The following FAT2 variants were observed in gnomAD, a reference collection of about 807,000 sequenced individuals.
FAT2 encodes the protein FAT atypical cadherin 2, also known as protocadherin Fat 2.
FAT2 carries 150 observed loss-of-function variants against 295.3 expected under a neutral mutation model. The observed-to-expected ratio is 0.51, with a 90% confidence interval of 0.44 to 0.58. FAT2 has a LOEUF of 0.58. Among genes scored for constraint, FAT2 ranks in the 20% least tolerant of loss-of-function variants. FAT2 has a pLI of 0.00. For synonymous variants in FAT2, 2,026 were observed against 2,150.3 expected, an observed-to-expected ratio of 0.94 and a Z score of 1.60; for missense variants, 4,868 against 5,442.7, an observed-to-expected ratio of 0.89 and a Z score of 3.32.
chr5:151,537,274 TGGTGGAGGA>T (rs1755455685), intron 12 of FAT2, among the ~76,000 whole-genome samples: 1 of 134,334 alleles, frequency 7.4e-6, no homozygotes, highest in African/African-American at 2.9e-5. Flanking sequence ...ACGATGGTGG[TGGTGGAGGA>T]GGAGGAGGAG....
chr5:151,535,165 G>A (rs554658625), intron 12 of FAT2, among the ~76,000 whole-genome samples: 1 of 151,884 alleles, frequency 6.6e-6, no homozygotes, highest in South Asian at 2.1e-4. Flanking sequence ...ACCATGTGTG[G>A]TGTTATAAGT....
intron 1 of FAT2, among the ~76,000 whole-genome samples, chr5:151,587,572 T>C (rs1431407935): frequency 2.0e-5 from 3 of 152,212 alleles, no homozygotes; most frequent in Non-Finnish European, 4.4e-5. Flanking sequence ...AAGAGCTTCA[T>C]TGAATCTATA....
At chr5:151,538,426 A>G (rs1341426053) in intron 11 of FAT2, among the ~76,000 whole-genome samples, 1 of 152,180 alleles carries the variant, frequency 6.6e-6, no homozygotes, top group South Asian at 2.1e-4. Context: ...CCGTATCCCC[A>G]GGACAGACCC....
At chr5:151,549,234 G>C (rs2127618548) in intron 9 of FAT2, 61 bp downstream of exon 9, 4 of 1,516,586 alleles carry the variant, frequency 2.6e-6, no homozygotes, top group Non-Finnish European at 2.7e-6. Context: ...TGCCTCTAGT[G>C]CTTTCCTTTA....
At chr5:151,550,225 G>A (rs1218890688) in intron 8 of FAT2, among the ~76,000 whole-genome samples, 1 of 152,198 alleles carries the variant, frequency 6.6e-6, no homozygotes, top group Non-Finnish European at 1.5e-5. Context: ...TGCATGCCTT[G>A]CTGGCCTGAC....
At position 151,512,806 on chromosome 5, in the gene FAT2, C is replaced by G. The variant is rs1415257491; in HGVS notation, c.11464-200G>C. The G allele has an allele frequency of 1.7e-6, 1 of 594,454 alleles. No homozygotes were observed. Among genetic ancestry groups the G allele is most frequent in the Non-Finnish European group, 3.0e-6 (1 of 335,676 alleles). 36.8% of individuals were successfully genotyped at this position (594,454 alleles called of 1,614,324 possible). A position where few individuals can be genotyped will look rare whatever the true frequency, so the allele number is the denominator to read the frequency against. On this transcript the variant is annotated intron_variant, in intron 20 of 23. Coordinates refer to ENST00000261800, the MANE Select transcript of FAT2 (RefSeq NM_001447.3). The surrounding 1 kb of genome is among the most constrained non-coding windows in gnomAD (Gnocchi z 4.1). ...ATGGTCTCCTTTGTTCTCACCACAC[C>G]CCATGGGATGGTCTGGGTAGGGGGT...
At chr5:151,582,501 G>C (rs184686639) in intron 1 of FAT2, among the ~76,000 whole-genome samples, 119 of 152,282 alleles carry the variant, frequency 7.8e-4, no homozygotes, top group South Asian at 2.9e-3. Context: ...AAATCCTTAG[G>C]GGTGGGGCTC....
upstream of FAT2, among the ~76,000 whole-genome samples, chr5:151,591,460 G>T (rs936177169): frequency 1.3e-5 from 2 of 152,190 alleles, no homozygotes; most frequent in African/African-American, 4.8e-5. Context: ...CAGAACTCAC[G>T]GTGGGGAATC....
chr5:151,552,906 T>C (rs1757347177), intron 6 of FAT2, among the ~76,000 whole-genome samples: 1 of 152,224 alleles, frequency 6.6e-6, no homozygotes, highest in South Asian at 2.1e-4. Context: ...ATTTTAGGTC[T>C]CCTAGGCCCT....
chr5:151,521,714 G>T lies in FAT2; in HGVS notation c.10879C>A (p.Leu3627Met). ...VYVWHVGQEA[L>M]QQAMWMGFYQ... ...AAGCCCATCCACATGGCCTGCTGCAGAGCCTCCTGCCCCACATGCCACACG... is the reference window on the plus strand; with the variant it reads ...AAGCCCATCCACATGGCCTGCTGCATAGCCTCCTGCCCCACATGCCACACG... Residue 3627 changes from leucine (L) to methionine (M), a missense_variant, in exon 19 of 24, where the codon CTG becomes ATG. Around this residue, in one of 5 missense-constraint regions of FAT2, gnomAD observed 1,046 missense variants for 1,210.1 expected, o/e 0.86. Transcript: ENST00000261800. The T allele has an allele frequency of 6.2e-7, 1 of 1,613,954 alleles. No homozygotes were observed. Among genetic ancestry groups the T allele is most frequent in the South Asian group, 1.1e-5 (1 of 91,080 alleles).
At chr5:151,533,745 A>G (rs1451644497) in intron 13 of FAT2, among the ~76,000 whole-genome samples, 1 of 151,710 alleles carries the variant, frequency 6.6e-6, no homozygotes, top group Non-Finnish European at 1.5e-5. Flanking sequence ...ACACACATAC[A>G]TATATATATG....
intron 4 of FAT2, among the ~76,000 whole-genome samples, chr5:151,555,296 C>T (rs1757583169): frequency 6.6e-6 from 1 of 151,572 alleles, no homozygotes; most frequent in South Asian, 2.1e-4. Flanking sequence ...TGTTACTGAA[C>T]TGTGGAGAAT....
At position 151,542,569 on chromosome 5, in the gene FAT2, T is replaced by C. The variant is rs370597382; in HGVS notation, c.8558A>G (p.Glu2853Gly). ...NVHELFAIDS[E>G]SGWITTLQEL... The stretch of plus-strand genomic sequence containing the variant: ...CTGGAGTGTGGTGATCCAACCACTC[T>C]CACTGTCAATGGCAAAGAGCTCATG... The change falls in exon 10 of 24, where the codon GAG (glutamate) becomes GGG (glycine). Residue 2853 changes from glutamate to glycine, a missense_variant. Physicochemically the swap from Glu to Gly is moderately conservative, Grantham distance 98. This residue lies in a region of FAT2 where 3,297 missense variants were observed against 3,669.4 expected (regional missense o/e 0.90). Coordinates refer to ENST00000261800, the MANE Select transcript of FAT2 (RefSeq NM_001447.3). The C allele has an allele frequency of 4.5e-5, 72 of 1,614,092 alleles. No individual in the cohort carries two copies. Among genetic ancestry groups the C allele is most frequent in the Non-Finnish European group, 6.0e-5 (71 of 1,180,046 alleles).
intron 1 of FAT2, among the ~76,000 whole-genome samples, chr5:151,573,159 C>T (rs115420068): frequency 0.027 from 4,097 of 152,294 alleles, 79 homozygotes; most frequent in Non-Finnish European, 0.036. Flanking sequence ...AACACACAGG[C>T]TCTGGCTGTG....
Position 151,510,079 on chromosome 5 carries a change from A to T in FAT2, c.12001T>A (p.Cys4001Ser). ...TFAPCLEGGT[C>S]ILSPKGASCN... is the part of the protein sequence containing the mutation. ...GAAGCTCCTTTGGGGGAGAGGATGC[A>T]AGTTCCACCTTCCAGGCAGGGTGCA... The change falls in exon 22 of 24, where the codon TGC becomes AGC. Residue 4001 changes from cysteine (C) to serine (S), a missense_variant. By Grantham distance (112) the Cys-to-Ser change is moderately radical (BLOSUM62 -1). Coordinates refer to ENST00000261800, the MANE Select transcript of FAT2 (RefSeq NM_001447.3). 6.2e-7 allele frequency: 1 copy of T among 1,614,188 alleles called. No homozygotes were observed. Among genetic ancestry groups the T allele is most frequent in the Non-Finnish European group, 8.5e-7 (1 of 1,180,026 alleles).
chr5:151,547,042 C>T (rs907682466), intron 9 of FAT2, among the ~76,000 whole-genome samples: 3 of 152,118 alleles, frequency 2.0e-5, no homozygotes, highest in African/African-American at 7.2e-5. Flanking sequence ...TGTTATGTTA[C>T]ACTATTATTT....
intron 18 of FAT2, 102 bp from the exon 19 acceptor site, chr5:151,522,188 G>T: frequency 1.1e-6 from 1 of 931,486 alleles, no homozygotes; most frequent in South Asian, 1.9e-5. Context: ...TCTGCCCCAC[G>T]CCCAACTTGA....
chr5:151,529,445 G>T, intron 14 of FAT2, 53 bp from the exon 15 acceptor site: 1 of 1,520,442 alleles, frequency 6.6e-7, no homozygotes, highest in South Asian at 1.1e-5. Flanking sequence ...CCTCAAAGGC[G>T]CAGGACTGAG....
intron 1 of FAT2, among the ~76,000 whole-genome samples, chr5:151,583,997 CAAAAAAAAAAA>C (rs35453556): frequency 1.3e-4 from 6 of 46,046 alleles, no homozygotes; most frequent in Non-Finnish European, 1.8e-4. Context: ...GGCTCTGTCT[CAAAAAAAAAAA>C]AAAAAAAAAA....
Sources: gnomAD v4.1 joint callset for allele counts (sites outside exome capture counted in the v4.1 genomes callset) on GRCh38, gnomAD v4.1.1 for gene constraint, gnomAD v4.1.1 regional missense constraint, Gnocchi (gnomAD v3.1) non-coding constraint, MANE v1.5 for transcripts, NCBI Gene and HGNC (gene_info 2026-07-23, HGNC 2026-07-21) for gene names.